Variants in PLCL2 observed in about 807,000 individuals in gnomAD.
PLCL2 encodes the protein inactive phospholipase C-like protein 2.
PLCL2 carries 4 observed loss-of-function variants against 79.6 expected under a neutral mutation model. The observed-to-expected ratio is 0.05, with a 90% CI of 0.02 to 0.11. The LOEUF is 0.11. Ranked by LOEUF, PLCL2 falls within the 10% of genes least tolerant of loss-of-function variation. PLCL2 has a pLI of 1.00. For synonymous variants in PLCL2, 484 were observed against 457.7 expected (o/e 1.06, Z -0.73); for missense variants, 895 against 1,291.0 (o/e 0.69, Z 4.70).
At chr3:16,965,990 C>T (rs2063802635) in intron 1 of PLCL2, among the ~76,000 whole-genome samples, 1 of 152,136 alleles carries the variant, frequency 6.6e-6, no homozygotes, top group Non-Finnish European at 1.5e-5. Flanking sequence ...TCCTATTTTC[C>T]TAATTGAATA....
intron 4 of PLCL2, among the ~76,000 whole-genome samples, chr3:17,059,409 T>G (rs1254489726): frequency 1.3e-5 from 2 of 150,452 alleles, no homozygotes; most frequent in Admixed American, 1.3e-4. Context: ...TAAAGAGGTA[T>G]GTATGTGTGT....
chr3:17,074,760 T>C (rs981925417), intron 5 of PLCL2, among the ~76,000 whole-genome samples: 1 of 152,250 alleles, frequency 6.6e-6, no homozygotes, highest in African/African-American at 2.4e-5. Flanking sequence ...AGATGGCTTA[T>C]TTCCTTAAAC....
intron 1 of PLCL2, among the ~76,000 whole-genome samples, chr3:16,959,134 C>G (rs1015333049): frequency 6.6e-5 from 10 of 152,146 alleles, no homozygotes; most frequent in African/African-American, 2.4e-4. Flanking sequence ...CCACATTTAT[C>G]CTCACCCTCA....
At chr3:17,075,703 C>T (rs2065103104) in intron 5 of PLCL2, among the ~76,000 whole-genome samples, 1 of 152,156 alleles carries the variant, frequency 6.6e-6, no homozygotes, top group Admixed American at 6.5e-5. Context: ...TTTATGTTGG[C>T]AACCACTTAT....
At chr3:17,043,720 C>A (rs1172767450) in intron 4 of PLCL2, among the ~76,000 whole-genome samples, 2 of 151,688 alleles carry the variant, frequency 1.3e-5, no homozygotes, top group African/African-American at 4.8e-5. Context: ...AAAAAAAATC[C>A]CTTATCTCAG....
intron 1 of PLCL2, among the ~76,000 whole-genome samples, chr3:17,003,500 T>C (rs1271237805): frequency 6.6e-6 from 1 of 152,176 alleles, no homozygotes. Flanking sequence ...TCTCTTCCCA[T>C]GTTCTTGTCC....
At chr3:16,929,445 C>T (rs1697344040) in intron 1 of PLCL2, among the ~76,000 whole-genome samples, 2 of 152,282 alleles carry the variant, frequency 1.3e-5, no homozygotes, top group South Asian at 4.1e-4. Context: ...AGTTATCAGA[C>T]ACTCTGGGAG....
intron 1 of PLCL2, among the ~76,000 whole-genome samples, chr3:16,983,663 C>G (rs572520883): frequency 1.3e-4 from 20 of 152,240 alleles, no homozygotes; most frequent in Admixed American, 3.3e-4. Context: ...GAACTCTGCT[C>G]TAACTCTAAC....
intron 1 of PLCL2, among the ~76,000 whole-genome samples, chr3:16,989,532 T>G (rs2064083061): frequency 6.6e-6 from 1 of 152,164 alleles, no homozygotes; most frequent in South Asian, 2.1e-4. Context: ...AATGATAGTA[T>G]TTTGGATATT....
chr3:16,925,775 T>A (rs1367830103), intron 1 of PLCL2, among the ~76,000 whole-genome samples: 1 of 152,226 alleles, frequency 6.6e-6, no homozygotes, highest in African/African-American at 2.4e-5. Context: ...ATTCATCAGT[T>A]AAAGAACATG....
intron 1 of PLCL2, among the ~76,000 whole-genome samples, chr3:16,988,134 C>T (rs1316012491): frequency 6.6e-6 from 1 of 152,106 alleles, no homozygotes; most frequent in African/African-American, 2.4e-5. Context: ...GTAAAAAGGT[C>T]GTGGAGTGTC....
chr3:16,997,515 A>T (rs2064165805), intron 1 of PLCL2, among the ~76,000 whole-genome samples: 1 of 150,040 alleles, frequency 6.7e-6, no homozygotes, highest in Non-Finnish European at 1.5e-5. Context: ...CCCTCCACAT[A>T]CACATTAATT....
At chr3:17,022,294 T>C (rs115325641) in intron 3 of PLCL2, among the ~76,000 whole-genome samples, 167 of 152,296 alleles carry the variant, frequency 1.1e-3, no homozygotes, top group African/African-American at 3.9e-3. Flanking sequence ...GTAGTCTTTT[T>C]TCTTCCTATG....
chr3:16,981,156 A>G (rs1036104935), intron 1 of PLCL2, among the ~76,000 whole-genome samples: 4 of 151,722 alleles, frequency 2.6e-5, no homozygotes, highest in South Asian at 2.1e-4. Flanking sequence ...CTCGGGGGAG[A>G]GGGAGAGGGA....
intron 3 of PLCL2, among the ~76,000 whole-genome samples, chr3:17,037,535 T>A (rs796172168): frequency 6.0e-4 from 92 of 152,298 alleles, no homozygotes; most frequent in African/African-American, 2.1e-3. Context: ...TGTAACTTCA[T>A]TAGAAACAGC....
intron 1 of PLCL2, among the ~76,000 whole-genome samples, chr3:16,946,624 A>C (rs1212744055): frequency 6.6e-6 from 1 of 152,158 alleles, no homozygotes; most frequent in African/African-American, 2.4e-5. Flanking sequence ...CCTATGTAGA[A>C]ACTTTTGGAA....
At position 17,053,325 on chromosome 3, in the gene PLCL2, C is replaced by T. The variant is rs142548216; in HGVS notation, c.3094+10376C>T. Among the ~76,000 whole-genome samples, 81 of 152,130 alleles carry T rather than the reference C, an allele frequency of 5.3e-4. 2 individuals carry two copies. The East Asian group carries it at 0.014, about 27-fold the overall frequency. ...AGCAGGAGGGTTGGAGGAGGTGATG[C>T]GCTCTTTTAAACAACCAGATCTCAT... On this transcript the variant is annotated intron_variant, in intron 4 of 5. Coordinates refer to ENST00000615277, the MANE Select transcript of PLCL2 (RefSeq NM_001144382.2).
chr3:16,948,760 A>G (rs1209292471), intron 1 of PLCL2, among the ~76,000 whole-genome samples: 1 of 152,192 alleles, frequency 6.6e-6, no homozygotes, highest in East Asian at 1.9e-4. Flanking sequence ...TTAATTTGAA[A>G]ATATCATTGT....
chr3:17,003,412 G>A (rs1329437126), intron 1 of PLCL2, among the ~76,000 whole-genome samples: 1 of 152,164 alleles, frequency 6.6e-6, no homozygotes, highest in Non-Finnish European at 1.5e-5. Flanking sequence ...AAGGAAGCAG[G>A]TAGCATACTA....
Sources: allele counts gnomAD v4.1 joint callset (sites outside exome capture counted in the v4.1 genomes callset), GRCh38; gene constraint gnomAD v4.1.1; transcripts MANE v1.5; gene names NCBI Gene and HGNC (gene_info 2026-07-23, HGNC 2026-07-21).